The following ADAMTS12 variants were observed in gnomAD, a reference collection of about 807,000 sequenced individuals.
ADAMTS12 encodes A disintegrin and metalloproteinase with thrombospondin motifs 12.
A neutral mutation model predicts 167.8 loss-of-function variants in ADAMTS12; 118 were observed. The observed-to-expected ratio is 0.70, with a 90% confidence interval of 0.61 to 0.82. The LOEUF (loss-of-function observed/expected upper bound fraction) is 0.82. Among genes scored for constraint, ADAMTS12 ranks in the 40% least tolerant of loss-of-function variants. The probability of loss-of-function intolerance (pLI) is 0.00; values close to 1 mark genes in which losing one functional copy is unlikely to be tolerated. For synonymous variants in ADAMTS12, 704 were observed against 716.9 expected (o/e 0.98, Z 0.29); for missense variants, 1,916 against 1,998.8 (o/e 0.96, Z 0.79).
intron 10 of ADAMTS12, among the ~76,000 whole-genome samples, chr5:33,642,698 C>T (rs756559047): frequency 7.2e-5 from 11 of 152,132 alleles, no homozygotes; most frequent in Non-Finnish European, 1.2e-4. Flanking sequence ...ACCACATTTC[C>T]TGGAGGATTT....
chr5:33,609,505 G>A (rs1218982012), intron 16 of ADAMTS12, among the ~76,000 whole-genome samples: 1 of 150,670 alleles, frequency 6.6e-6, no homozygotes, highest in Non-Finnish European at 1.5e-5. Context: ...ACAGTAGCTG[G>A]GACTACAGGC....
At chr5:33,641,342 C>CA (rs1740434576) in intron 11 of ADAMTS12, among the ~76,000 whole-genome samples, 1 of 152,048 alleles carries the variant, frequency 6.6e-6, no homozygotes, top group Non-Finnish European at 1.5e-5. Flanking sequence ...TAATTGTCCT[C>CA]AAAAATGTAC....
intron 2 of ADAMTS12, among the ~76,000 whole-genome samples, chr5:33,803,004 C>T (rs963580315): frequency 6.6e-6 from 1 of 152,112 alleles, no homozygotes; most frequent in African/African-American, 2.4e-5. Context: ...AGGAGACTTA[C>T]CCATAATCAG....
chr5:33,585,057 CCAT>C (rs1470634185), intron 18 of ADAMTS12, among the ~76,000 whole-genome samples: 2 of 151,962 alleles, frequency 1.3e-5, no homozygotes, highest in Non-Finnish European at 2.9e-5. Flanking sequence ...ATCCATCCAT[CCAT>C]CCATCCATCC....
At chr5:33,757,454 T>C (rs1745205980) in intron 2 of ADAMTS12, among the ~76,000 whole-genome samples, 1 of 152,172 alleles carries the variant, frequency 6.6e-6, no homozygotes, top group African/African-American at 2.4e-5. Flanking sequence ...GCTGTGATCA[T>C]GCAGAATTGG....
intron 2 of ADAMTS12, among the ~76,000 whole-genome samples, chr5:33,756,072 A>G (rs1195763271): frequency 6.6e-6 from 1 of 152,164 alleles, no homozygotes; most frequent in Non-Finnish European, 1.5e-5. Context: ...AAAGGTACTG[A>G]CCCTGCCCTC....
chr5:33,528,494 A>C (rs909690918), intron 23 of ADAMTS12, among the ~76,000 whole-genome samples: 6 of 152,248 alleles, frequency 3.9e-5, no homozygotes, highest in African/African-American at 1.4e-4. Flanking sequence ...GCTATGCAGT[A>C]TTGCTATGGA....
intron 3 of ADAMTS12, among the ~76,000 whole-genome samples, chr5:33,717,119 G>GT (rs35812625): frequency 5.3e-4 from 79 of 148,382 alleles, no homozygotes; most frequent in East Asian, 2.6e-3. Flanking sequence ...GAAATTGTAG[G>GT]TTTTTTTTTT....
At chr5:33,776,149 A>T (rs1485694236) in intron 2 of ADAMTS12, among the ~76,000 whole-genome samples, 1 of 152,248 alleles carries the variant, frequency 6.6e-6, no homozygotes, top group Admixed American at 6.5e-5. Context: ...CTCTTCCTTT[A>T]ATATGGATAA....
At chr5:33,751,311 A>G in intron 3 of ADAMTS12, 93 bp downstream of exon 3, 1 of 1,511,214 alleles carries the variant, frequency 6.6e-7, no homozygotes, top group Non-Finnish European at 9.2e-7. Context: ...AGAGGAGATA[A>G]GAGACTTGAG....
intron 20 of ADAMTS12, among the ~76,000 whole-genome samples, chr5:33,559,026 A>G (rs970919537): frequency 6.6e-6 from 1 of 152,162 alleles, no homozygotes; most frequent in Non-Finnish European, 1.5e-5. Context: ...CGAAAGACCG[A>G]CCATCAGACA....
At chr5:33,811,865 A>G (rs1747474817) in intron 2 of ADAMTS12, among the ~76,000 whole-genome samples, 1 of 151,612 alleles carries the variant, frequency 6.6e-6, no homozygotes, top group South Asian at 2.1e-4. Flanking sequence ...GGAGGAGGAG[A>G]GAGTGGTTGG....
chr5:33,785,307 A>G (rs543147779), intron 2 of ADAMTS12, among the ~76,000 whole-genome samples: 72 of 152,264 alleles, frequency 4.7e-4, no homozygotes, highest in African/African-American at 1.6e-3. Flanking sequence ...TTGTAAAAAA[A>G]AAATGATAAA....
intron 3 of ADAMTS12, among the ~76,000 whole-genome samples, chr5:33,725,833 C>A (rs1167707545): frequency 6.6e-6 from 1 of 152,190 alleles, no homozygotes; most frequent in African/African-American, 2.4e-5. Context: ...AATACAAATT[C>A]TTGGGTTCCA....
intron 19 of ADAMTS12, among the ~76,000 whole-genome samples, chr5:33,564,856 C>T (rs1297063655): frequency 6.6e-6 from 1 of 152,186 alleles, no homozygotes; most frequent in Non-Finnish European, 1.5e-5. Context: ...AGATTAGAAA[C>T]CACTGGGTCT....
intron 5 of ADAMTS12, among the ~76,000 whole-genome samples, chr5:33,669,750 T>G (rs1741603540): frequency 6.6e-6 from 1 of 151,330 alleles, no homozygotes; most frequent in Non-Finnish European, 1.5e-5. Flanking sequence ...AATAAATATA[T>G]AGTGCTGGAG....
intron 2 of ADAMTS12, among the ~76,000 whole-genome samples, chr5:33,870,117 C>G (rs1423741764): frequency 6.6e-6 from 1 of 152,156 alleles, no homozygotes; most frequent in Non-Finnish European, 1.5e-5. Flanking sequence ...TCCCTTGTTC[C>G]CTGAACATCA....
intron 3 of ADAMTS12, among the ~76,000 whole-genome samples, chr5:33,722,687 C>T (rs1199300524): frequency 6.6e-6 from 1 of 152,206 alleles, no homozygotes; most frequent in Non-Finnish European, 1.5e-5. Context: ...ACACAGGGAA[C>T]ATCTACTCTA....
intron 9 of ADAMTS12, among the ~76,000 whole-genome samples, chr5:33,648,572 A>G (rs1252924355): frequency 6.6e-6 from 1 of 152,178 alleles, no homozygotes; most frequent in Non-Finnish European, 1.5e-5. Context: ...AATCCTGAAA[A>G]TCACTATGGA....
Sources: gnomAD v4.1 joint callset for allele counts (sites outside exome capture counted in the v4.1 genomes callset) on GRCh38, gnomAD v4.1.1 for gene constraint, MANE v1.5 for transcripts, NCBI Gene and HGNC (gene_info 2026-07-23, HGNC 2026-07-21) for gene names.